Variants in ZNF267 observed in about 807,000 individuals in gnomAD.
ZNF267 encodes the protein zinc finger protein 267.
ZNF267 carries 61 observed loss-of-function variants against 71.6 expected under a neutral mutation model. That is an observed-to-expected ratio of 0.85 (90% CI 0.69 to 1.05). ZNF267 has a LOEUF of 1.05. Ranked by LOEUF, ZNF267 falls within the 50% of genes least tolerant of loss-of-function variation. ZNF267 has a pLI of 0.00. For synonymous variants in ZNF267, 288 were observed against 293.2 expected (o/e 0.98, Z 0.18); for missense variants, 852 against 870.0 (o/e 0.98, Z 0.26).
chr16:31,903,680 T>G (rs1338572224), intron 3 of ZNF267, among the ~76,000 whole-genome samples: 1 of 152,234 alleles, frequency 6.6e-6, no homozygotes, highest in African/African-American at 2.4e-5. Flanking sequence ...TTCTCTCTTT[T>G]CTTCTTTATT....
chr16:31,904,195 C>T (rs2084067265), intron 3 of ZNF267, among the ~76,000 whole-genome samples: 1 of 152,158 alleles, frequency 6.6e-6, no homozygotes. Context: ...CTGAGGAGTG[C>T]TTTACTTCCA....
intron 3 of ZNF267, among the ~76,000 whole-genome samples, chr16:31,891,175 G>C (rs2142340398): frequency 6.6e-6 from 1 of 152,112 alleles, no homozygotes; most frequent in East Asian, 1.9e-4. Flanking sequence ...TCTAGTTTAA[G>C]ATGATAACAA....
At chr16:31,889,836 A>G (rs1192246523) in intron 3 of ZNF267, among the ~76,000 whole-genome samples, 3 of 152,186 alleles carry the variant, frequency 2.0e-5, no homozygotes, top group Non-Finnish European at 4.4e-5. Flanking sequence ...CAGACACCCC[A>G]TATTAGGTTC....
At chr16:31,902,239 C>A (rs1465861067) in intron 3 of ZNF267, among the ~76,000 whole-genome samples, 1 of 152,044 alleles carries the variant, frequency 6.6e-6, no homozygotes, top group African/African-American at 2.4e-5. Flanking sequence ...ATGCCTCCAG[C>A]TTTGTTCTTT....
At chr16:31,906,166 C>T (rs1396333502) in intron 3 of ZNF267, among the ~76,000 whole-genome samples, 1 of 152,190 alleles carries the variant, frequency 6.6e-6, no homozygotes, top group Non-Finnish European at 1.5e-5. Flanking sequence ...GAGGAGTACC[C>T]GGCCGTGTGA....
chr16:31,896,565 G>C (rs2084000764), intron 3 of ZNF267, among the ~76,000 whole-genome samples: 1 of 152,030 alleles, frequency 6.6e-6, no homozygotes, highest in South Asian at 2.1e-4. Flanking sequence ...TGTATTCTTG[G>C]CACATTTGAA....
chr16:31,904,271 G>C lies in ZNF267; in HGVS notation c.227-10205G>C, dbSNP rs1282056585. Among the ~76,000 whole-genome samples, 3 of 152,202 alleles carry C rather than the reference G, an allele frequency of 2.0e-5. No individual in the cohort carries two copies. The East Asian group carries it at 5.8e-4, about 29-fold the overall frequency. On this transcript the variant is annotated intron_variant, in intron 3 of 3. Coordinates refer to ENST00000300870, the MANE Select transcript of ZNF267 (RefSeq NM_003414.6). Reference sequence around the variant, plus strand: ...AAAAGAATGTATATTCTGTTGATTTGGGGTGGAGAGTTCTGTAGATGTCTA... The same window carrying C: ...AAAAGAATGTATATTCTGTTGATTTCGGGTGGAGAGTTCTGTAGATGTCTA...
chr16:31,905,771 C>T (rs1246392990), intron 3 of ZNF267, among the ~76,000 whole-genome samples: 2 of 152,170 alleles, frequency 1.3e-5, no homozygotes, highest in African/African-American at 2.4e-5. Context: ...TGTCTGACGC[C>T]TTCTTCTCTC....
chr16:31,914,367 C>A, intron 3 of ZNF267, 109 bp from the exon 4 acceptor site: 1 of 1,029,022 alleles, frequency 9.7e-7, no homozygotes, highest in Non-Finnish European at 1.4e-6. Context: ...AGGTTTTTCA[C>A]TCAACTGTTG....
At chr16:31,882,038 T>C (rs1356772539) in intron 1 of ZNF267, among the ~76,000 whole-genome samples, 9 of 152,300 alleles carry the variant, frequency 5.9e-5, no homozygotes. Flanking sequence ...TTAGCTTTTA[T>C]AGTGATAGGG....
chr16:31,902,156 T>C (rs567350748), intron 3 of ZNF267, among the ~76,000 whole-genome samples: 1 of 152,302 alleles, frequency 6.6e-6, no homozygotes, highest in Admixed American at 6.5e-5. Context: ...GGTCTATATC[T>C]CTGTTTTTGT....
chr16:31,907,381 T>C (rs924892212), intron 3 of ZNF267, among the ~76,000 whole-genome samples: 1 of 152,204 alleles, frequency 6.6e-6, no homozygotes, highest in Non-Finnish European at 1.5e-5. Flanking sequence ...TAATCCTGTT[T>C]GCCTTCCTGA....
chr16:31,887,322 C>G (rs182543420), intron 3 of ZNF267, among the ~76,000 whole-genome samples: 1 of 148,888 alleles, frequency 6.7e-6, no homozygotes, highest in Admixed American at 6.7e-5. Context: ...CTTATCAGAT[C>G]TATTTTCTCC....
chr16:31,893,045 C>T (rs1412303950), intron 3 of ZNF267, among the ~76,000 whole-genome samples: 2 of 152,248 alleles, frequency 1.3e-5, no homozygotes, highest in Non-Finnish European at 2.9e-5. Flanking sequence ...CAGAGGTTCT[C>T]CCTGCCCCTG....
At chr16:31,912,907 C>CACT (rs2084145850) in intron 3 of ZNF267, 1 of 147,988 alleles carries the variant, frequency 6.8e-6, no homozygotes, top group African/African-American at 2.7e-5. Flanking sequence ...ATCTGAATTC[C>CACT]TTCTCTATTT....
At chr16:31,902,310 G>GT (rs1360885308) in intron 3 of ZNF267, among the ~76,000 whole-genome samples, 2 of 152,014 alleles carry the variant, frequency 1.3e-5, no homozygotes, top group African/African-American at 2.4e-5. Context: ...CTTTAAAGTA[G>GT]TTTTTTCCAA....
chr16:31,895,420 T>A (rs1432486054), intron 3 of ZNF267, among the ~76,000 whole-genome samples: 2 of 152,230 alleles, frequency 1.3e-5, no homozygotes, highest in African/African-American at 4.8e-5. Flanking sequence ...AGTGCTGCAA[T>A]AAACATGGGA....
chr16:31,914,741 A>C lies in ZNF267; in HGVS notation c.492A>C (p.Gln164His). 6.2e-7 allele frequency: 1 copy of C among 1,614,144 alleles called. No individual in the cohort carries two copies. The highest frequency in any genetic ancestry group is 8.5e-7 in the Non-Finnish European group (1 of 1,180,010). Reference protein sequence around the residue: ...SSCAKSYNFDQYRKVFTHSSL... With the variant: ...SSCAKSYNFDHYRKVFTHSSL... ...GTGCCAAAAGCTATAACTTTGATCA[A>C]TATAGGAAGGTCTTTACTCATTCAT... Residue 164 changes from glutamine to histidine, a missense_variant, in exon 4 of 4, where the codon CAA (glutamine) becomes CAC (histidine). Gln to His is a conservative substitution (Grantham distance 24, BLOSUM62 0). Transcript: ENST00000300870.
intron 1 of ZNF267, among the ~76,000 whole-genome samples, chr16:31,883,532 G>C (rs1287873532): frequency 2.6e-5 from 4 of 152,062 alleles, no homozygotes; most frequent in Non-Finnish European, 5.9e-5. Context: ...TCTGTATATT[G>C]GCCGGTATGT....
Sources: gnomAD v4.1 joint callset for allele counts (sites outside exome capture counted in the v4.1 genomes callset) on GRCh38, gnomAD v4.1.1 for gene constraint, MANE v1.5 for transcripts, NCBI Gene and HGNC (gene_info 2026-07-23, HGNC 2026-07-21) for gene names.